KANSL1: variants seen among roughly 807,000 people sequenced by gnomAD.
The protein encoded by KANSL1 is KAT8 regulatory NSL complex subunit 1, also known as MLL1/MLL complex subunit KANSL1.
A neutral mutation model predicts 103.6 loss-of-function variants in KANSL1; 22 were observed. The observed-to-expected ratio is 0.21, with a 90% CI of 0.15 to 0.30. The LOEUF (loss-of-function observed/expected upper bound fraction) is 0.30. KANSL1 is among the 10% of genes least tolerant of loss of function. The pLI, the probability that KANSL1 is intolerant of heterozygous loss-of-function variation, is 1.00. For synonymous variants in KANSL1, 600 were observed against 527.6 expected (o/e 1.14, Z -1.88); for missense variants, 1,337 against 1,399.8 (o/e 0.96, Z 0.72).
intron 2 of KANSL1, among the ~76,000 whole-genome samples, chr17:46,140,349 C>T (rs929858697): frequency 3.9e-5 from 6 of 152,120 alleles, no homozygotes; most frequent in African/African-American, 1.4e-4. Context: ...TATCCACTAT[C>T]CACAGGCAAA....
chr17:46,091,308 T>C (rs2079378189), intron 3 of KANSL1, among the ~76,000 whole-genome samples: 1 of 152,356 alleles, frequency 6.6e-6, no homozygotes, highest in South Asian at 2.1e-4. Flanking sequence ...ACAATTACAA[T>C]GTATTTGTGT....
intron 2 of KANSL1, among the ~76,000 whole-genome samples, chr17:46,127,969 A>G (rs1428070628): frequency 6.6e-6 from 1 of 151,092 alleles, no homozygotes; most frequent in Non-Finnish European, 1.5e-5. Context: ...AAGATACCCA[A>G]ACACCCCTTC....
intron 1 of KANSL1, among the ~76,000 whole-genome samples, chr17:46,218,317 G>A (rs144210694): frequency 1.4e-3 from 216 of 152,314 alleles, no homozygotes; most frequent in Middle Eastern, 0.01. Flanking sequence ...AACACTCTGC[G>A]TGAATAAACT....
chr17:46,186,171 C>G (rs886237549), intron 1 of KANSL1, among the ~76,000 whole-genome samples: 4 of 150,520 alleles, frequency 2.7e-5, no homozygotes, highest in African/African-American at 4.9e-5. Flanking sequence ...GTCAGGAGAT[C>G]GAGACCATCC....
At chr17:46,134,302 T>A (rs2044012778) in intron 2 of KANSL1, among the ~76,000 whole-genome samples, 1 of 151,630 alleles carries the variant, frequency 6.6e-6, no homozygotes, top group African/African-American at 2.4e-5. Flanking sequence ...GAGGCTGAGG[T>A]GGGAGAATCG....
At position 46,031,423 on chromosome 17, in the gene KANSL1, C is replaced by T. The variant is rs2077001649; in HGVS notation, c.*53G>A. ...GTTTGAATATCAAACGCAGAGATTT[C>T]TGAAGCTTTAATGCCAATAGTTAGT... On this transcript the variant is annotated 3_prime_UTR_variant, in exon 15 of 15. Coordinates refer to ENST00000432791, the MANE Select transcript of KANSL1 (RefSeq NM_015443.4). 1 of 1,475,518 alleles carries T rather than the reference C, an allele frequency of 6.8e-7. No individual in the cohort carries two copies. The highest frequency in any genetic ancestry group is 2.4e-5 in the East Asian group (1 of 41,264). The allele number at this position is 1,475,518 out of a possible 1,614,324, so 91.4% of individuals were successfully genotyped here.
At chr17:46,089,546 C>G (rs2079299994) in intron 3 of KANSL1, among the ~76,000 whole-genome samples, 1 of 150,230 alleles carries the variant, frequency 6.7e-6, no homozygotes, top group African/African-American at 2.4e-5. Context: ...AAGATTCAGC[C>G]TATCACCTAG....
chr17:46,051,299 G>C (rs532374385), intron 6 of KANSL1, among the ~76,000 whole-genome samples: 11 of 152,300 alleles, frequency 7.2e-5, no homozygotes, highest in Middle Eastern at 3.4e-3. Flanking sequence ...AAAATCCACT[G>C]TTACAAAGCT....
intron 2 of KANSL1, among the ~76,000 whole-genome samples, chr17:46,130,797 T>G (rs969818846): frequency 1.3e-5 from 2 of 152,196 alleles, no homozygotes; most frequent in South Asian, 4.1e-4. Flanking sequence ...TTGTCCCTCC[T>G]CTTTCCCCTC....
At chr17:46,126,448 A>T (rs561417526) in intron 2 of KANSL1, among the ~76,000 whole-genome samples, 52 of 152,154 alleles carry the variant, frequency 3.4e-4, no homozygotes, top group African/African-American at 1.3e-3. Flanking sequence ...CTCAAAAAAA[A>T]AGTAAAAGTC....
chr17:46,213,099 T>C (rs751747444), intron 1 of KANSL1, among the ~76,000 whole-genome samples: 3 of 151,746 alleles, frequency 2.0e-5, no homozygotes, highest in Non-Finnish European at 4.4e-5. Flanking sequence ...TGCTGACAGA[T>C]AAATTACCAC....
chr17:46,079,469 T>C (rs138518500), intron 4 of KANSL1, among the ~76,000 whole-genome samples: 2 of 152,386 alleles, frequency 1.3e-5, no homozygotes, highest in African/African-American at 2.4e-5. Flanking sequence ...TGGATGTTTA[T>C]TTTAGAACGC....
At chr17:46,183,608 G>C (rs2046891201) in intron 1 of KANSL1, among the ~76,000 whole-genome samples, 1 of 151,392 alleles carries the variant, frequency 6.6e-6, no homozygotes, top group Non-Finnish European at 1.5e-5. Flanking sequence ...GAGGGGAGAG[G>C]AGGTGAGAGA....
chr17:46,047,366 G>C (rs1459833682), intron 7 of KANSL1, among the ~76,000 whole-genome samples: 1 of 152,190 alleles, frequency 6.6e-6, no homozygotes. Flanking sequence ...ACACAATCAG[G>C]TTCATTTGTT....
At chr17:46,177,469 T>A (rs1235891897) in intron 1 of KANSL1, among the ~76,000 whole-genome samples, 1 of 152,198 alleles carries the variant, frequency 6.6e-6, no homozygotes, top group Non-Finnish European at 1.5e-5. Context: ...AAAAACTCGG[T>A]TAAATTATTA....
rs1008044132 is a variant in KANSL1, at chr17:46,034,393, G to C, written c.2542-108C>G. ...CCAATAACCAAGCATCTGGGTCCTT[G>C]GGTTGAAGCTGAGTAATGACCATAG... On this transcript the variant is annotated intron_variant, in intron 10 of 14. Coordinates refer to ENST00000432791, the MANE Select transcript of KANSL1 (RefSeq NM_015443.4). 1.6e-5 allele frequency: 20 copies of C among 1,266,160 alleles called. No individual in the cohort carries two copies. In the South Asian group the frequency reaches 1.9e-4, roughly 12 times the overall value. 78.4% of individuals were successfully genotyped at this position (1,266,160 alleles called of 1,614,324 possible). A position where few individuals can be genotyped will look rare whatever the true frequency, so the allele number is the denominator to read the frequency against.
intron 1 of KANSL1, among the ~76,000 whole-genome samples, chr17:46,189,088 C>CCGTT (rs1474225294): frequency 6.8e-6 from 1 of 147,168 alleles, no homozygotes; most frequent in Non-Finnish European, 1.5e-5. Flanking sequence ...TTATATGCTC[C>CCGTT]CGTTGCTCAA....
chr17:46,072,274 C>G lies in KANSL1; in HGVS notation c.1534-4607G>C, dbSNP rs546367403. On this transcript the variant is annotated intron_variant, in intron 4 of 14. Transcript: ENST00000432791. ...AGAGAGCCACACACTTAAAAGCACA[C>G]AATAAAATTAAACTCTACCTGCAAA... Among the ~76,000 whole-genome samples the G allele has an allele frequency of 2.0e-5, 3 of 152,100 alleles. No individual in the cohort carries two copies. The East Asian group carries it at 5.8e-4, about 29-fold the overall frequency.
At chr17:46,204,478 G>GTT in intron 1 of KANSL1, among the ~76,000 whole-genome samples, 1 of 152,164 alleles carries the variant, frequency 6.6e-6, no homozygotes, top group Middle Eastern at 3.4e-3. Context: ...AAAACAAACA[G>GTT]TTATATCTTT....
Sources: allele counts gnomAD v4.1 joint callset (sites outside exome capture counted in the v4.1 genomes callset), GRCh38; gene constraint gnomAD v4.1.1; transcripts MANE v1.5; gene names NCBI Gene and HGNC (gene_info 2026-07-23, HGNC 2026-07-21).